The following MRNIP variants were observed in gnomAD, a reference collection of about 807,000 sequenced individuals.
MRNIP encodes the protein MRN complex interacting protein.
In MRNIP, 30 loss-of-function variants were observed where a neutral mutation model predicts 29.8. That is an observed-to-expected ratio of 1.01 (90% confidence interval 0.75 to 1.36). MRNIP has a LOEUF of 1.36. MRNIP is among the 40% of genes most tolerant of loss of function. The probability of loss-of-function intolerance (pLI) is 0.00; values close to 1 mark genes in which losing one functional copy is unlikely to be tolerated. For missense variants in MRNIP, 459 were observed against 423.5 expected, an observed-to-expected ratio of 1.08 and a Z score of -0.74; for synonymous variants, 201 against 164.1, an observed-to-expected ratio of 1.23 and a Z score of -1.72.
At chr5:179,841,106 G>A (rs1260842056) in intron 5 of MRNIP, 147 bp from the exon 6 acceptor site, 7 of 603,976 alleles carry the variant, frequency 1.2e-5, no homozygotes, top group East Asian at 2.8e-5. Context: ...TCCAGCCACC[G>A]CCCAGGCCCC....
At chr5:179,853,216 T>C (rs759676113) in intron 2 of MRNIP, 162 bp downstream of exon 2, 1 of 1,538,876 alleles carries the variant, frequency 6.5e-7, no homozygotes, top group African/African-American at 1.4e-5. Context: ...TTCTGCTCCA[T>C]CCATTTCACT....
intron 5 of MRNIP, 65 bp from the exon 6 acceptor site, chr5:179,841,024 C>T (rs1019257797): frequency 2.9e-5 from 34 of 1,190,892 alleles, no homozygotes; most frequent in Non-Finnish European, 4.0e-5. Flanking sequence ...CCTGACTCCA[C>T]GATCACATGG....
intron 2 of MRNIP, among the ~76,000 whole-genome samples, chr5:179,848,771 CG>C (rs1457900522): frequency 6.6e-6 from 1 of 152,200 alleles, no homozygotes; most frequent in African/African-American, 2.4e-5. Flanking sequence ...AAGAAGGTAA[CG>C]TTTGAGCACA....
In MRNIP at chr5:179,837,669, T is replaced by C. The variant is rs1201679148; in HGVS notation, c.754A>G (p.Arg252Gly). 2 of 1,614,218 alleles carry C rather than the reference T, an allele frequency of 1.2e-6. No individual in the cohort carries two copies. Among genetic ancestry groups the C allele is most frequent in the Non-Finnish European group, 8.5e-7 (1 of 1,180,048 alleles). Residue 252 changes from arginine (R) to glycine (G), a missense_variant, in exon 7 of 7, where the codon AGG becomes GGG. Transcript: ENST00000292586. ...VDSEQPRSLQRDPRPAGPAQA... is the reference protein window; with the variant it reads ...VDSEQPRSLQGDPRPAGPAQA... The stretch of plus-strand genomic sequence containing the variant: ...GCTGGACCAGCTGGCCTGGGGTCCC[T>C]CTGAAGAGACCTTGGCTGCTCACTG...
intron 2 of MRNIP, among the ~76,000 whole-genome samples, chr5:179,848,464 C>T (rs1759220615): frequency 6.6e-6 from 1 of 152,162 alleles, no homozygotes; most frequent in South Asian, 2.1e-4. Flanking sequence ...CAAAGGAATA[C>T]AAAATAAAAT....
At chr5:179,839,960 T>G (rs1011262011) in intron 6 of MRNIP, 2 of 90,054 alleles carry the variant, frequency 2.2e-5, no homozygotes, top group Non-Finnish European at 3.8e-5. Context: ...AGACCATGTC[T>G]CTAAAAAATT....
chr5:179,858,145 G>C (rs1383520429), intron 1 of MRNIP, among the ~76,000 whole-genome samples: 2 of 152,244 alleles, frequency 1.3e-5, no homozygotes, highest in African/African-American at 4.8e-5. Context: ...CAAGCAGGGA[G>C]ACAGGTGCGA....
chr5:179,842,216 T>A, intron 4 of MRNIP, 152 bp from the exon 5 acceptor site: 1 of 775,790 alleles, frequency 1.3e-6, no homozygotes, highest in Non-Finnish European at 2.1e-6. Context: ...TGGACGCCAA[T>A]ACTATGCAAT....
At position 179,842,129 on chromosome 5, in the gene MRNIP, T is replaced by G; in HGVS notation, c.292-65A>C. ...ACCAGGCAGTTTTATCGAAAACCCC[T>G]AGCCCAACTCTTGGGCCTGAGGATC... On this transcript the variant is annotated intron_variant, in intron 4 of 6. Coordinates refer to ENST00000292586, the MANE Select transcript of MRNIP (RefSeq NM_016175.4). The G allele has an allele frequency of 5.3e-6, 8 of 1,510,744 alleles. No individual in the cohort carries two copies. In the South Asian group the frequency reaches 7.0e-5, roughly 13 times the overall value. 93.6% of individuals were successfully genotyped at this position (1,510,744 alleles called of 1,614,324 possible).
chr5:179,851,225 TGTGGG>T (rs749356168), intron 2 of MRNIP: 2 of 455,518 alleles, frequency 4.4e-6, no homozygotes, highest in Admixed American at 2.4e-5. Context: ...ATGCTCACCA[TGTGGG>T]GTGTCTGCCT....
At chr5:179,843,407 G>A (rs1215008317) in intron 4 of MRNIP, among the ~76,000 whole-genome samples, 1 of 152,148 alleles carries the variant, frequency 6.6e-6, no homozygotes, top group Non-Finnish European at 1.5e-5. Context: ...GGAAGCACAG[G>A]CACAGGTACC....
intron 1 of MRNIP, among the ~76,000 whole-genome samples, chr5:179,853,647 C>T (rs1369697170): frequency 6.6e-6 from 1 of 151,932 alleles, no homozygotes; most frequent in Non-Finnish European, 1.5e-5. Flanking sequence ...TGGCGGGCAC[C>T]TGTAATCCCA....
At chr5:179,841,827 TCA>T in intron 5 of MRNIP, 78 bp downstream of exon 5, 7 of 1,452,892 alleles carry the variant, frequency 4.8e-6, no homozygotes, top group African/African-American at 1.4e-5. Context: ...TGGCTGACGC[TCA>T]CAGTGGCTCA....
At chr5:179,842,779 C>T (rs1214300438) in intron 4 of MRNIP, among the ~76,000 whole-genome samples, 1 of 145,408 alleles carries the variant, frequency 6.9e-6, no homozygotes, top group Non-Finnish European at 1.5e-5. Flanking sequence ...ACACCTGTAA[C>T]CCTAGCACCG....
intron 1 of MRNIP, among the ~76,000 whole-genome samples, chr5:179,854,122 G>A (rs953393253): frequency 2.9e-4 from 44 of 149,700 alleles, no homozygotes; most frequent in African/African-American, 3.7e-4. Context: ...CCGGGTTCAC[G>A]CCATTCTCCT....
chr5:179,839,662 T>C (rs182585397), intron 6 of MRNIP: 1 of 152,642 alleles, frequency 6.6e-6, no homozygotes, highest in Non-Finnish European at 1.5e-5. Flanking sequence ...CTGTGCGTGG[T>C]GCAAGGCCAG....
rs1759711163 is a variant in MRNIP, at chr5:179,858,718, G to A, written c.66+13C>T. ...GCGCCGGAGGAGGAGGAGGGGGCTGGCACCCGCCAGACCTGGTGCGCCTGG... is the reference window on the plus strand; with the variant it reads ...GCGCCGGAGGAGGAGGAGGGGGCTGACACCCGCCAGACCTGGTGCGCCTGG... On this transcript the variant is annotated intron_variant, in intron 1 of 6. Coordinates refer to ENST00000292586, the MANE Select transcript of MRNIP (RefSeq NM_016175.4). The A allele has an allele frequency of 2.7e-6, 4 of 1,490,308 alleles. No homozygotes were observed. Among genetic ancestry groups the A allele is most frequent in the African/African-American group, 1.4e-5 (1 of 71,440 alleles). The allele number at this position is 1,490,308 out of a possible 1,614,324, so 92.3% of individuals were successfully genotyped here.
intron 2 of MRNIP, among the ~76,000 whole-genome samples, chr5:179,849,119 G>C (rs1674283906): frequency 6.8e-6 from 1 of 148,124 alleles, no homozygotes; most frequent in African/African-American, 2.5e-5. Context: ...TGAGACCATG[G>C]GTCCTGCTAT....
intron 2 of MRNIP, among the ~76,000 whole-genome samples, chr5:179,849,098 G>A (rs966091729): frequency 1.3e-4 from 19 of 146,940 alleles, no homozygotes; most frequent in Admixed American, 1.2e-3. Flanking sequence ...CAGATGGTAC[G>A]AGACGGAATT....
Sources: allele counts gnomAD v4.1 joint callset (sites outside exome capture counted in the v4.1 genomes callset), GRCh38; gene constraint gnomAD v4.1.1; transcripts MANE v1.5; gene names NCBI Gene and HGNC (gene_info 2026-07-23, HGNC 2026-07-21).